DGKB: variants seen among roughly 807,000 people sequenced by gnomAD.
DGKB encodes the protein 90 kDa diacylglycerol kinase.
DGKB carries 67 observed loss-of-function variants against 114.3 expected under a neutral mutation model. The ratio of observed to expected loss-of-function variants is 0.59; its 90% CI spans 0.48 to 0.72. The LOEUF is 0.72. Among genes scored for constraint, DGKB ranks in the 30% least tolerant of loss-of-function variants. DGKB has a pLI of 0.00. For missense variants in DGKB, 907 were observed against 975.2 expected (o/e 0.93, Z 0.93); for synonymous variants, 398 against 323.1 (o/e 1.23, Z -2.49).
rs754384796 is a variant in DGKB at position 14,701,708 on chromosome 7, C to T, written c.489G>A (p.Thr163=). The T allele has an allele frequency of 8.7e-6, 14 of 1,611,702 alleles. No homozygotes were observed. The highest frequency in any genetic ancestry group is 4.5e-5 in the East Asian group (2 of 44,812). Residue 163 remains threonine (T), a synonymous_variant, in exon 7 of 26, where the codon ACG becomes ACA. Coordinates refer to ENST00000402815, the MANE Select transcript of DGKB (RefSeq NM_001350709.2). ...KLEFMFRLYD[T]DGNGFLDSSE... ...AGCTGTCCAGGAAGCCATTCCCATC[C>T]GTGTCATAAAGGCGAAACATAACTA...
chr7:14,907,141 A>G (rs189764243), upstream of DGKB, among the ~76,000 whole-genome samples: 5 of 152,310 alleles, frequency 3.3e-5, no homozygotes, highest in East Asian at 9.7e-4. Context: ...AGAGATTCAG[A>G]AAAGACATGA....
rs1020956906 is a variant in DGKB at position 14,467,230 on chromosome 7, T to C, written c.1835+10931A>G. On this transcript the variant is annotated intron_variant, in intron 21 of 25. Transcript: ENST00000402815. ...TTAAATATTTTATTACATACTTATT[T>C]ATATAACTATTAACTATATTATTTA... is the stretch of plus-strand genomic sequence containing the variant. Among the ~76,000 whole-genome samples, 8 of 149,434 alleles carry C rather than the reference T, an allele frequency of 5.4e-5. No individual in the cohort carries two copies. The East Asian group carries it at 1.2e-3, about 22-fold the overall frequency.
At chr7:14,737,251 G>A (rs1466749614) in intron 4 of DGKB, among the ~76,000 whole-genome samples, 2 of 151,026 alleles carry the variant, frequency 1.3e-5, no homozygotes, top group African/African-American at 4.9e-5. Flanking sequence ...AGAGTGCAAG[G>A]GATGGGCTTT....
intron 21 of DGKB, among the ~76,000 whole-genome samples, chr7:14,361,084 C>T (rs557727203): frequency 1.3e-5 from 2 of 152,110 alleles, no homozygotes; most frequent in East Asian, 3.9e-4. Flanking sequence ...AAAAAAAATA[C>T]TTCTAATAAA....
At chr7:14,553,865 C>CTTTTTGTT (rs1795470365) in intron 20 of DGKB, among the ~76,000 whole-genome samples, 1 of 71,208 alleles carries the variant, frequency 1.4e-5, no homozygotes, top group Non-Finnish European at 2.4e-5. Context: ...CCTTTACATG[C>CTTTTTGTT]TTTTTTTTTT....
At chr7:14,950,913 T>C (rs1310286947) in intron 1 of DGKB, among the ~76,000 whole-genome samples, 1 of 151,908 alleles carries the variant, frequency 6.6e-6, no homozygotes, top group Non-Finnish European at 1.5e-5. Context: ...GTGGGATCTG[T>C]TCCATGTATG....
intron 25 of DGKB, among the ~76,000 whole-genome samples, chr7:14,159,169 T>C (rs1189444806): frequency 6.6e-6 from 1 of 152,154 alleles, no homozygotes; most frequent in African/African-American, 2.4e-5. Flanking sequence ...CTGCTCCCAC[T>C]GGACCGTATG....
intron 13 of DGKB, among the ~76,000 whole-genome samples, chr7:14,641,266 TGG>T (rs1476632827): frequency 7.9e-5 from 2 of 25,230 alleles, no homozygotes; most frequent in East Asian, 4.1e-4. Context: ...TATAGGGATT[TGG>T]TTTACAATAT....
At chr7:14,910,572 T>G (rs1783950520) in intron 1 of DGKB, among the ~76,000 whole-genome samples, 1 of 152,130 alleles carries the variant, frequency 6.6e-6, no homozygotes, top group African/African-American at 2.4e-5. Context: ...AACACCTTAT[T>G]TAACTATTAT....
In DGKB at chr7:14,928,652, T is replaced by C. The variant is rs189638170; in HGVS notation, c.-188+46044A>G. 3.6e-3 allele frequency among the ~76,000 whole-genome samples: 544 copies of C among 151,828 alleles called. 3 individuals carry two copies. The highest frequency in any genetic ancestry group is 6.8e-3 in the Middle Eastern group (2 of 294). On this transcript the variant is annotated intron_variant, in intron 1 of 4. Coordinates refer to the DGKB transcript ENST00000437998. Reference sequence around the variant, plus strand: ...CAGTTTCTTTTTGTGTGTATGTTCATTTTTTATTTATTTTATTTTAATATT... The same window carrying C: ...CAGTTTCTTTTTGTGTGTATGTTCACTTTTTATTTATTTTATTTTAATATT...
In DGKB at chr7:14,372,305, C is replaced by A. The variant is rs1817790080; in HGVS notation, c.1836-26914G>T. On this transcript the variant is annotated intron_variant, in intron 21 of 25. Coordinates refer to ENST00000402815, the MANE Select transcript of DGKB (RefSeq NM_001350709.2). ...CATGGTTCTGGTTGATTCCTTTTTTCCTTCTTGAATTAAAGCTCACATAGT... is the reference window on the plus strand; with the variant it reads ...CATGGTTCTGGTTGATTCCTTTTTTACTTCTTGAATTAAAGCTCACATAGT... Among the ~76,000 whole-genome samples the A allele has an allele frequency of 2.6e-5, 4 of 152,092 alleles. No homozygotes were observed. In the South Asian group the frequency reaches 8.3e-4, roughly 31 times the overall value.
intron 23 of DGKB, among the ~76,000 whole-genome samples, chr7:14,263,843 C>A (rs1263914207): frequency 6.6e-6 from 1 of 152,068 alleles, no homozygotes. Context: ...TGTTATATGC[C>A]ACTTCACACA....
chr7:14,504,238 T>G (rs1469470070), intron 20 of DGKB, among the ~76,000 whole-genome samples: 1 of 152,146 alleles, frequency 6.6e-6, no homozygotes, highest in African/African-American at 2.4e-5. Context: ...TGGAGCCTTG[T>G]GTAATTCTGA....
At chr7:14,472,567 A>G (rs1461215348) in intron 21 of DGKB, among the ~76,000 whole-genome samples, 1 of 152,240 alleles carries the variant, frequency 6.6e-6, no homozygotes, top group East Asian at 1.9e-4. Context: ...TGCTGAAAAG[A>G]TACCCAAAAA....
At chr7:14,268,517 CA>C (rs1353437455) in intron 23 of DGKB, among the ~76,000 whole-genome samples, 1 of 152,124 alleles carries the variant, frequency 6.6e-6, no homozygotes, top group Non-Finnish European at 1.5e-5. Flanking sequence ...CTCAGAATAA[CA>C]ATGTAAAAGC....
At chr7:14,505,053 C>A (rs1786815796) in intron 20 of DGKB, among the ~76,000 whole-genome samples, 2 of 152,176 alleles carry the variant, frequency 1.3e-5, no homozygotes, top group Non-Finnish European at 2.9e-5. Context: ...TATCTCTTAA[C>A]CCCTGGCCTC....
intron 1 of DGKB, among the ~76,000 whole-genome samples, chr7:14,877,316 G>A (rs1182906925): frequency 6.6e-6 from 1 of 152,196 alleles, no homozygotes; most frequent in African/African-American, 2.4e-5. Flanking sequence ...AGCACTTTGG[G>A]AGGCTGAGGC....
intron 3 of DGKB, 82 bp downstream of exon 3, chr7:14,757,573 C>A: frequency 2.6e-6 from 2 of 767,426 alleles, no homozygotes; most frequent in South Asian, 1.6e-5. Flanking sequence ...CACACACATA[C>A]ATTTTTCCAA....
In DGKB at chr7:14,482,182, T is replaced by G. The variant is rs530085245; in HGVS notation, c.1771-3957A>C. ...CCTGCCTTGCTTTGAAGATCTGGTG[T>G]TCTAATACCTGGAAGATAACTAGAA... On this transcript the variant is annotated intron_variant, in intron 20 of 25. Transcript: ENST00000402815. Among the ~76,000 whole-genome samples the G allele has an allele frequency of 4.3e-3, 659 of 152,108 alleles. 4 individuals are homozygous for G. The highest frequency in any genetic ancestry group is 4.1e-3 in the Non-Finnish European group (276 of 67,900).
Sources: allele counts gnomAD v4.1 joint callset (sites outside exome capture counted in the v4.1 genomes callset), GRCh38; gene constraint gnomAD v4.1.1; transcripts MANE v1.5; gene names NCBI Gene and HGNC (gene_info 2026-07-23, HGNC 2026-07-21).